The following NOX5 variants were observed in gnomAD, a reference collection of about 807,000 sequenced individuals.
The protein encoded by NOX5 is NADPH oxidase, EF-hand calcium binding domain 5.
In NOX5, 76 loss-of-function variants were observed where a neutral mutation model predicts 85.7. The observed-to-expected ratio is 0.89, with a 90% CI of 0.74 to 1.07. The LOEUF (loss-of-function observed/expected upper bound fraction) is 1.07. Ranked by LOEUF, NOX5 falls within the 50% of genes least tolerant of loss-of-function variation. The probability of loss-of-function intolerance (pLI) is 0.00; values close to 1 mark genes in which losing one functional copy is unlikely to be tolerated. For missense variants in NOX5, 973 were observed against 999.5 expected, an observed-to-expected ratio of 0.97 and a Z score of 0.36; for synonymous variants, 405 against 401.4, an observed-to-expected ratio of 1.01 and a Z score of -0.11.
chr15:69,018,105 G>A (rs985647181), intron 1 of NOX5, among the ~76,000 whole-genome samples: 4 of 151,972 alleles, frequency 2.6e-5, no homozygotes, highest in Non-Finnish European at 5.9e-5. Context: ...TCCATGGACC[G>A]GACCGCACTC....
rs375867091 is a variant in NOX5, at chr15:69,017,070, G to A, written c.50+2285G>A. On this transcript the variant is annotated intron_variant, in intron 1 of 15. Transcript: ENST00000388866. ...CTATTGTCTTTGAAGCCTGCTACCT[G>A]GAGGCTTTACCTGAATGACGAAACC... 2.0e-5 allele frequency among the ~76,000 whole-genome samples: 3 copies of A among 152,108 alleles called. No homozygotes were observed. The East Asian group carries it at 5.8e-4, about 29-fold the overall frequency.
chr15:69,056,131 G>A (rs955297805), intron 15 of NOX5, among the ~76,000 whole-genome samples: 2 of 152,218 alleles, frequency 1.3e-5, no homozygotes, highest in East Asian at 3.9e-4. Context: ...GGTCCTCACT[G>A]GGGGAAAGAC....
rs1482665847 is a variant in NOX5, at chr15:69,056,984, G to A, written c.*288G>A. The stretch of plus-strand genomic sequence containing the variant: ...TCACGGGAGCTTGGGGGTGGGGTTC[G>A]AGGGGGCAGAGGGCAACCACTCCTC... On this transcript the variant is annotated 3_prime_UTR_variant, in exon 16 of 16. Transcript: ENST00000388866. The A allele has an allele frequency of 1.2e-5, 3 of 252,302 alleles. No individual in the cohort carries two copies. Among genetic ancestry groups the A allele is most frequent in the Non-Finnish European group, 2.3e-5 (3 of 132,006 alleles). 15.6% of individuals were successfully genotyped at this position (252,302 alleles called of 1,614,324 possible).
Position 69,048,989 on chromosome 15 carries a change from C to T in NOX5, c.1930C>T (p.Arg644Trp), listed in dbSNP as rs147362304. ...CTTTATCTGGATCAACAGAGACCAG[C>T]GGTCTTTCGAGTGGTTTGTGAGCCT... is the stretch of plus-strand genomic sequence containing the variant. ...VDFIWINRDQ[R>W]SFEWFVSLLT... Residue 644 changes from arginine to tryptophan, a missense_variant, in exon 14 of 16, where the codon CGG (arginine) becomes TGG (tryptophan). Physicochemically the swap from Arg to Trp is moderately radical, Grantham distance 101 (BLOSUM62 -3). Transcript: ENST00000388866. 32 of 1,612,468 alleles carry T rather than the reference C, an allele frequency of 2.0e-5. No individual in the cohort carries two copies. Among genetic ancestry groups the T allele is most frequent in the Non-Finnish European group, 2.4e-5 (28 of 1,179,458 alleles).
chr15:69,047,952 C>T (rs1301429410), intron 13 of NOX5, 41 bp downstream of exon 13: 2 of 1,569,356 alleles, frequency 1.3e-6, no homozygotes, highest in South Asian at 2.2e-5. Context: ...AGACCTTCTC[C>T]CCTGGACAAC....
intron 14 of NOX5, among the ~76,000 whole-genome samples, chr15:69,054,896 C>T (rs904218261): frequency 2.0e-5 from 3 of 152,166 alleles, no homozygotes; most frequent in East Asian, 1.9e-4. Context: ...CTGCCATGCT[C>T]ACTTCCCTGG....
chr15:69,036,633 A>C (rs1281834334), intron 7 of NOX5, among the ~76,000 whole-genome samples: 2 of 152,136 alleles, frequency 1.3e-5, no homozygotes, highest in African/African-American at 2.4e-5. Context: ...CAAGATCACA[A>C]AGCTTCAGAA....
intron 14 of NOX5, 125 bp downstream of exon 14, chr15:69,049,183 A>T (rs987532314): frequency 2.0e-6 from 1 of 497,456 alleles, no homozygotes; most frequent in Non-Finnish European, 3.4e-6. Context: ...ATTAAAGTGA[A>T]CCCAGAGTCT....
rs763873667 is a variant in NOX5 at position 69,055,400 on chromosome 15, G to A, written c.2066G>A (p.Gly689Asp). The change falls in exon 15 of 16, where the codon GGC (glycine) becomes GAC (aspartate). Residue 689 changes from glycine (G) to aspartate (D), a missense_variant. Physicochemically the swap from Gly to Asp is moderately conservative, Grantham distance 94. Coordinates refer to ENST00000388866, the MANE Select transcript of NOX5 (RefSeq NM_024505.4). ...GGCAAGAATGACATGAAGGCCATTG[G>A]CCTGCAGATGGCCCTTGACCTCCTG... ...ALGKNDMKAIGLQMALDLLAN... is the reference protein window; with the variant it reads ...ALGKNDMKAIDLQMALDLLAN... The A allele has an allele frequency of 3.7e-6, 6 of 1,614,076 alleles. No homozygotes were observed. The highest frequency in any genetic ancestry group is 4.2e-6 in the Non-Finnish European group (5 of 1,180,046).
chr15:69,055,426 G>T lies in NOX5; in HGVS notation c.2092G>T (p.Ala698Ser). 1 of 1,614,186 alleles carries T rather than the reference G, an allele frequency of 6.2e-7. No homozygotes were observed. Among genetic ancestry groups the T allele is most frequent in the Non-Finnish European group, 8.5e-7 (1 of 1,180,034 alleles). ...CCTGCAGATGGCCCTTGACCTCCTG[G>T]CCAACAAGGAGAAGAAAGACTCCAT... ...IGLQMALDLL[A>S]NKEKKDSITG... The change falls in exon 15 of 16, where the codon GCC becomes TCC. Residue 698 changes from alanine (A) to serine (S), a missense_variant. Transcript: ENST00000388866.
intron 10 of NOX5, among the ~76,000 whole-genome samples, chr15:69,044,609 T>G (rs925240350): frequency 1.3e-5 from 2 of 152,182 alleles, no homozygotes; most frequent in African/African-American, 4.8e-5. Context: ...TTAAATGTAT[T>G]TACCTGGAAA....
chr15:69,038,592 T>C (rs1292725020), intron 8 of NOX5, among the ~76,000 whole-genome samples: 1 of 152,130 alleles, frequency 6.6e-6, no homozygotes, highest in Non-Finnish European at 1.5e-5. Context: ...TAAAAAGCAG[T>C]GCTTACACCC....
chr15:69,042,549 A>C (rs2050608207), intron 9 of NOX5, 114 bp from the exon 10 acceptor site: 4 of 1,180,842 alleles, frequency 3.4e-6, no homozygotes, highest in Admixed American at 2.4e-5. Context: ...AGGACATTCA[A>C]ACCAGGACTT....
chr15:69,035,792 G>T lies in NOX5; in HGVS notation c.1044G>T (p.Gln348His), dbSNP rs750275364. 5.0e-6 allele frequency: 8 copies of T among 1,614,206 alleles called. No homozygotes were observed. The highest frequency in any genetic ancestry group is 1.1e-5 in the South Asian group (1 of 91,086). ...CTCAGGCGGAGGCCAGCCCTTTCCA[G>T]TTCTGGGAGCTGCTGCTCACCACGA... ...LQAQAEASPFQFWELLLTTRP... is the reference protein window; with the variant it reads ...LQAQAEASPFHFWELLLTTRP... Residue 348 changes from glutamine (Q) to histidine (H), a missense_variant, in exon 7 of 16, where the codon CAG becomes CAT. Transcript: ENST00000388866.
At chr15:69,025,412 A>G (rs1567094143) in intron 1 of NOX5, among the ~76,000 whole-genome samples, 1 of 152,210 alleles carries the variant, frequency 6.6e-6, no homozygotes, top group Non-Finnish European at 1.5e-5. Flanking sequence ...AAAATGTAGT[A>G]CTAGATAGAT....
In NOX5 at chr15:69,061,567, T is replaced by A. The variant is rs190661790; in HGVS notation, c.*4871T>A. 3.3e-5 allele frequency: 5 copies of A among 152,374 alleles called. No individual in the cohort carries two copies. In the East Asian group the frequency reaches 9.6e-4, roughly 29 times the overall value. The allele number at this position is 152,374 out of a possible 1,614,324, so 9.4% of individuals were successfully genotyped here. Reference sequence around the variant, plus strand: ...TGATCTGTCTTTACAATATGATGACTCTCTCCTTTTAAAAATAAGATTAAT... The same window carrying A: ...TGATCTGTCTTTACAATATGATGACACTCTCCTTTTAAAAATAAGATTAAT... On this transcript the variant is annotated 3_prime_UTR_variant, in exon 16 of 16. Coordinates refer to ENST00000388866, the MANE Select transcript of NOX5 (RefSeq NM_024505.4).
chr15:69,048,876 A>T (rs2050709975), intron 13 of NOX5, 83 bp from the exon 14 acceptor site: 2 of 967,094 alleles, frequency 2.1e-6, no homozygotes, highest in African/African-American at 1.6e-5. Flanking sequence ...CAGGGTGGTC[A>T]TATGGGTCCC....
At chr15:69,026,434 T>C (rs1483095151) in intron 1 of NOX5, 94 bp from the exon 2 acceptor site, 4 of 1,527,956 alleles carry the variant, frequency 2.6e-6, no homozygotes, top group Non-Finnish European at 3.6e-6. Context: ...CTCAGGGCCC[T>C]AGTTAGAGCA....
chr15:69,055,284 C>T, intron 14 of NOX5, 50 bp from the exon 15 acceptor site: 2 of 1,581,850 alleles, frequency 1.3e-6, no homozygotes, highest in Non-Finnish European at 1.7e-6. Flanking sequence ...TGCCCTGCGC[C>T]CATGATGGGT....
Sources: allele counts gnomAD v4.1 joint callset (sites outside exome capture counted in the v4.1 genomes callset), GRCh38; gene constraint gnomAD v4.1.1; transcripts MANE v1.5; gene names NCBI Gene and HGNC (gene_info 2026-07-23, HGNC 2026-07-21).